The following GLB1 variants were observed in gnomAD, a reference collection of about 807,000 sequenced individuals.
GLB1 encodes the protein beta-galactosidase.
A neutral mutation model predicts 74.0 loss-of-function variants in GLB1; 56 were observed. That is an observed-to-expected ratio of 0.76 (90% CI 0.61 to 0.94). The LOEUF (loss-of-function observed/expected upper bound fraction) is 0.94, where lower values mean the gene tolerates loss of function less well. Ranked by LOEUF, GLB1 falls within the 40% of genes least tolerant of loss-of-function variation. The probability of loss-of-function intolerance (pLI) is 0.00; values close to 1 mark genes in which losing one functional copy is unlikely to be tolerated. For synonymous variants in GLB1, 323 were observed against 323.6 expected (o/e 1.00, Z 0.02); for missense variants, 787 against 845.5 (o/e 0.93, Z 0.86).
chr3:33,048,123 T>C (rs762966249), intron 9 of GLB1, among the ~76,000 whole-genome samples: 62 of 152,098 alleles, frequency 4.1e-4, no homozygotes, highest in Admixed American at 1.4e-3. Context: ...TCACTTGCCC[T>C]TGAGTCCTTA....
chr3:33,048,252 G>C (rs1698823511), intron 9 of GLB1, among the ~76,000 whole-genome samples: 2 of 152,194 alleles, frequency 1.3e-5, no homozygotes, highest in African/African-American at 4.8e-5. Flanking sequence ...TTTAAGGATG[G>C]ATTGGAAGAC....
intron 6 of GLB1, among the ~76,000 whole-genome samples, 197 bp downstream of exon 6, chr3:33,057,892 T>C (rs1179344630): frequency 6.6e-6 from 1 of 152,224 alleles, no homozygotes; most frequent in Non-Finnish European, 1.5e-5. Flanking sequence ...AAAATGCAGC[T>C]ACCCTGGAAG....
At chr3:33,042,370 C>CT (rs66685286) in intron 10 of GLB1, among the ~76,000 whole-genome samples, 87 of 99,230 alleles carry the variant, frequency 8.8e-4, no homozygotes, top group Middle Eastern at 0.012. Context: ...TCATCTCCTC[C>CT]TTTTTTTTTT....
downstream of GLB1, among the ~76,000 whole-genome samples, chr3:32,991,771 G>C (rs953140702): frequency 3.9e-5 from 6 of 152,222 alleles, no homozygotes; most frequent in Non-Finnish European, 5.9e-5. Flanking sequence ...GGCCCAAATA[G>C]CAGGCAAGTG....
downstream of GLB1, among the ~76,000 whole-genome samples, chr3:32,994,052 A>G (rs891638372): frequency 5.3e-5 from 8 of 152,230 alleles, no homozygotes; most frequent in Non-Finnish European, 1.0e-4. Flanking sequence ...TTACTATATG[A>G]CTAAACAATC....
intron 15 of GLB1, among the ~76,000 whole-genome samples, chr3:33,003,195 T>C (rs1339375326): frequency 6.6e-6 from 1 of 152,198 alleles, no homozygotes; most frequent in Non-Finnish European, 1.5e-5. Context: ...ATCAAATGCA[T>C]AAAATAACAG....
intron 2 of GLB1, among the ~76,000 whole-genome samples, chr3:33,069,435 G>A (rs1226585015): frequency 6.6e-6 from 1 of 152,138 alleles, no homozygotes; most frequent in Non-Finnish European, 1.5e-5. Flanking sequence ...TGGATATAAG[G>A]CAAAAGGGTG....
chr3:33,058,008 T>C (rs1575459372), intron 6 of GLB1, 81 bp downstream of exon 6: 1 of 1,572,614 alleles, frequency 6.4e-7, no homozygotes, highest in East Asian at 2.3e-5. Context: ...CCCATGACAC[T>C]TATAACAACA....
the GLB1 span, among the ~76,000 whole-genome samples, chr3:32,964,776 T>C: frequency 6.6e-6 from 1 of 152,208 alleles, no homozygotes; most frequent in Non-Finnish European, 1.5e-5. Flanking sequence ...TTGATATGAT[T>C]TGGCTGTGTC....
At chr3:32,971,756 A>G in the GLB1 span, among the ~76,000 whole-genome samples, 1 of 152,190 alleles carries the variant, frequency 6.6e-6, no homozygotes, top group Non-Finnish European at 1.5e-5. Context: ...AACGACTCCT[A>G]CTTACCAGAT....
At chr3:32,970,670 T>C in the GLB1 span, among the ~76,000 whole-genome samples, 8 of 152,268 alleles carry the variant, frequency 5.3e-5, no homozygotes, top group African/African-American at 1.9e-4. Flanking sequence ...GGATTCACCA[T>C]AGCCGGCTGA....
chr3:33,055,458 TTC>T lies in GLB1; in HGVS notation c.734-1911_734-1910del, dbSNP rs1171462027. On this transcript the variant is annotated intron_variant, in intron 6 of 15. Coordinates refer to ENST00000307363, the MANE Select transcript of GLB1 (RefSeq NM_000404.4). Reference sequence around the variant, plus strand: ...TTGTGGTTTTTGTCATGGTTTTCTTTTCTTTTTTTTTTTTTTTTTTGAGATGG... The same window carrying T: ...TTGTGGTTTTTGTCATGGTTTTCTTTTTTTTTTTTTTTTTTTTTGAGATGG... Among the ~76,000 whole-genome samples the T allele has an allele frequency of 0.021, 2,252 of 105,290 alleles. 210 individuals carry two copies. In the East Asian group the frequency reaches 0.36, roughly 17 times the overall value. The allele number at this position is 105,290 out of a possible 152,430, so 69.1% of individuals were successfully genotyped here.
At chr3:33,008,548 T>C in intron 15 of GLB1, among the ~76,000 whole-genome samples, 1 of 151,992 alleles carries the variant, frequency 6.6e-6, no homozygotes, top group East Asian at 1.9e-4. Flanking sequence ...GAGAGTCAGG[T>C]GGCTTAAGGA....
chr3:32,995,897 G>C (rs1696300283), downstream of GLB1, among the ~76,000 whole-genome samples: 1 of 148,122 alleles, frequency 6.8e-6, no homozygotes, highest in Non-Finnish European at 1.5e-5. Context: ...TAAAAATACA[G>C]ATAAGAAAAA....
At chr3:33,006,001 A>G (rs1382486416) in intron 15 of GLB1, among the ~76,000 whole-genome samples, 1 of 152,252 alleles carries the variant, frequency 6.6e-6, no homozygotes, top group Non-Finnish European at 1.5e-5. Flanking sequence ...AATGGACACT[A>G]TCCCACTCAC....
intron 1 of GLB1, among the ~76,000 whole-genome samples, chr3:33,078,636 A>G (rs1317132624): frequency 2.6e-5 from 4 of 152,200 alleles, no homozygotes; most frequent in Admixed American, 6.5e-5. Context: ...GTATTAAAAG[A>G]AAGAAAGGGA....
Position 33,072,615 on chromosome 3 carries a change from G to A in GLB1, c.174C>T (p.Ser58=), listed in dbSNP as rs1233334461. 6.2e-6 allele frequency: 10 copies of A among 1,614,102 alleles called. No homozygotes were observed. The highest frequency in any genetic ancestry group is 8.5e-6 in the Non-Finnish European group (10 of 1,180,032). Reference sequence around the variant, plus strand: ...CCTTCCAGTAGAAGCGGGGCACACGGGAGTAGTGAATGCTTCCTGAGATGT... The same window carrying A: ...CCTTCCAGTAGAAGCGGGGCACACGAGAGTAGTGAATGCTTCCTGAGATGT... The part of the protein sequence containing the change: ...FRYISGSIHY[S]RVPRFYWKDR... Residue 58 remains serine (S), a synonymous_variant, in exon 2 of 16, where the codon TCC becomes TCT. Transcript: ENST00000307363.
At chr3:33,055,460 CTTTTT>C (rs55687940) in intron 6 of GLB1, among the ~76,000 whole-genome samples, 3 of 102,278 alleles carry the variant, frequency 2.9e-5, no homozygotes, top group African/African-American at 3.6e-5. Context: ...GTTTTCTTTT[CTTTTT>C]TTTTTTTTTT....
the GLB1 span, among the ~76,000 whole-genome samples, chr3:32,965,182 A>G: frequency 6.6e-6 from 1 of 152,204 alleles, no homozygotes; most frequent in Non-Finnish European, 1.5e-5. Flanking sequence ...GAAAATGTGG[A>G]AGCGACTTTG....
Sources: allele counts gnomAD v4.1 joint callset (sites outside exome capture counted in the v4.1 genomes callset), GRCh38; gene constraint gnomAD v4.1.1; transcripts MANE v1.5; gene names NCBI Gene and HGNC (gene_info 2026-07-23, HGNC 2026-07-21).